CDH20: variants seen among roughly 807,000 people sequenced by gnomAD.
The protein encoded by CDH20 is cadherin 20.
A neutral mutation model predicts 74.2 loss-of-function variants in CDH20; 29 were observed. The observed-to-expected ratio is 0.39, with a 90% CI of 0.29 to 0.53. The LOEUF (loss-of-function observed/expected upper bound fraction) is 0.53, where lower values mean the gene tolerates loss of function less well. Among genes scored for constraint, CDH20 ranks in the 20% least tolerant of loss-of-function variants. The pLI, the probability that CDH20 is intolerant of heterozygous loss-of-function variation, is 0.69. For synonymous variants in CDH20, 469 were observed against 405.4 expected (o/e 1.16, Z -1.88); for missense variants, 988 against 1,048.3 (o/e 0.94, Z 0.79).
chr18:61,356,644 G>A (rs1242144421), intron 1 of CDH20, among the ~76,000 whole-genome samples: 1 of 152,206 alleles, frequency 6.6e-6, no homozygotes, highest in Non-Finnish European at 1.5e-5. Flanking sequence ...AATTTGGTCA[G>A]TTTTCTAACT....
At chr18:61,456,978 C>T (rs1217773058) in intron 1 of CDH20, among the ~76,000 whole-genome samples, 2 of 152,128 alleles carry the variant, frequency 1.3e-5, no homozygotes, top group Non-Finnish European at 2.9e-5. Flanking sequence ...TCCCAAAGGC[C>T]CCACCTTCTA....
rs1911273180 is a variant in CDH20, at chr18:61,499,223, A to G, written c.284A>G (p.Lys95Arg). 1 of 1,607,130 alleles carries G rather than the reference A, an allele frequency of 6.2e-7. No homozygotes were observed. The highest frequency in any genetic ancestry group is 2.2e-5 in the East Asian group (1 of 44,738). The change falls in exon 3 of 12, where the codon AAA becomes AGA. Residue 95 changes from lysine to arginine, a missense_variant. By Grantham distance (26) the Lys-to-Arg change is conservative. Around this residue, in one of 2 missense-constraint regions of CDH20, gnomAD observed 613 missense variants for 755.2 expected, o/e 0.81. Coordinates refer to ENST00000262717, the MANE Select transcript of CDH20 (RefSeq NM_031891.4). The stretch of plus-strand genomic sequence containing the variant: ...ATGGACAGGGGAGACGGATCCATCA[A>G]ATACATCCTCTCGGGAGAAGGTGCT... ...SDMDRGDGSI[K>R]YILSGEGAGI...
intron 1 of CDH20, among the ~76,000 whole-genome samples, chr18:61,457,916 T>TA (rs1216655409): frequency 1.3e-5 from 2 of 152,222 alleles, no homozygotes; most frequent in Non-Finnish European, 2.9e-5. Flanking sequence ...TTTTAAAATG[T>TA]AGATTATCAG....
chr18:61,389,056 C>A (rs1350384881), intron 1 of CDH20, among the ~76,000 whole-genome samples: 1 of 152,144 alleles, frequency 6.6e-6, no homozygotes, highest in African/African-American at 2.4e-5. Context: ...GGTCCCCTCA[C>A]AGCAAAATGA....
At chr18:61,513,859 C>T (rs1051325177) in intron 6 of CDH20, among the ~76,000 whole-genome samples, 93 of 152,100 alleles carry the variant, frequency 6.1e-4, no homozygotes, top group Non-Finnish European at 1.1e-3. Flanking sequence ...GGGTTTCTGC[C>T]GAGAGATCCG....
intron 1 of CDH20, among the ~76,000 whole-genome samples, chr18:61,466,629 G>A (rs1474340048): frequency 6.6e-6 from 1 of 152,176 alleles, no homozygotes; most frequent in Non-Finnish European, 1.5e-5. Flanking sequence ...CACAACTTGA[G>A]GCCAGCTTCC....
intron 1 of CDH20, among the ~76,000 whole-genome samples, chr18:61,374,626 A>G (rs540345655): frequency 6.6e-6 from 1 of 152,256 alleles, no homozygotes; most frequent in East Asian, 1.9e-4. Flanking sequence ...AACTTATATG[A>G]AATTTTTATG....
At chr18:61,453,444 A>T (rs537323439) in intron 1 of CDH20, among the ~76,000 whole-genome samples, 2 of 152,086 alleles carry the variant, frequency 1.3e-5, no homozygotes, top group Middle Eastern at 6.8e-3. Flanking sequence ...TGCCCAGCTA[A>T]TCTTTTGTGT....
rs116683369 is a variant in CDH20, at chr18:61,543,066, G to C, written c.1531-1961G>C. On this transcript the variant is annotated intron_variant, in intron 9 of 11. Coordinates refer to ENST00000262717, the MANE Select transcript of CDH20 (RefSeq NM_031891.4). ...AGTGGGTAGGTGGCTCTCTGCAATT[G>C]GCAATCCCTAAAGGGACTGGTAGGT... Among the ~76,000 whole-genome samples the C allele has an allele frequency of 5.9e-3, 895 of 152,236 alleles. 14 individuals carry two copies. Among genetic ancestry groups the C allele is most frequent in the African/African-American group, 0.02 (850 of 41,526 alleles).
At chr18:61,450,867 C>T (rs545346868) in intron 1 of CDH20, among the ~76,000 whole-genome samples, 1 of 152,104 alleles carries the variant, frequency 6.6e-6, no homozygotes, top group South Asian at 2.1e-4. Context: ...TTTACTTAGC[C>T]AATCCTGTGT....
chr18:61,350,609 G>A (rs920953846), intron 1 of CDH20, among the ~76,000 whole-genome samples: 5 of 152,124 alleles, frequency 3.3e-5, no homozygotes, highest in Admixed American at 3.3e-4. Flanking sequence ...CGCTAAATAG[G>A]GTAATATATG....
intron 1 of CDH20, among the ~76,000 whole-genome samples, chr18:61,363,559 A>G (rs1440058004): frequency 6.6e-6 from 1 of 152,204 alleles, no homozygotes; most frequent in Non-Finnish European, 1.5e-5. Context: ...ACAAATAAAA[A>G]GGTGTGTTTT....
chr18:61,526,580 T>G (rs764883141), intron 6 of CDH20, among the ~76,000 whole-genome samples: 1 of 152,232 alleles, frequency 6.6e-6, no homozygotes, highest in Non-Finnish European at 1.5e-5. Context: ...CGAGATGTTC[T>G]GAAATACTTG....
At chr18:61,554,088 G>A (rs2144418744) in intron 11 of CDH20, 102 bp from the exon 12 acceptor site, 2 of 1,406,106 alleles carry the variant, frequency 1.4e-6, no homozygotes, top group Middle Eastern at 2.1e-4. Flanking sequence ...CCCTCCACTC[G>A]GTAGCCCTTC....
chr18:61,370,572 C>A (rs1911000766), intron 1 of CDH20, among the ~76,000 whole-genome samples: 1 of 152,052 alleles, frequency 6.6e-6, no homozygotes, highest in Non-Finnish European at 1.5e-5. Flanking sequence ...ATAATCACCA[C>A]AAACTGATTA....
chr18:61,541,093 C>A (rs1264935543), intron 9 of CDH20, among the ~76,000 whole-genome samples: 2 of 152,026 alleles, frequency 1.3e-5, no homozygotes, highest in African/African-American at 4.8e-5. Flanking sequence ...AAGAAACGAT[C>A]CATGTTATTA....
At chr18:61,509,963 G>A (rs932606206) in intron 6 of CDH20, among the ~76,000 whole-genome samples, 1 of 152,200 alleles carries the variant, frequency 6.6e-6, no homozygotes, top group Non-Finnish European at 1.5e-5. Flanking sequence ...AGACAGGGAA[G>A]TCTGCAAGTA....
intron 1 of CDH20, among the ~76,000 whole-genome samples, chr18:61,409,048 A>C (rs2144243272): frequency 6.6e-6 from 1 of 152,338 alleles, no homozygotes; most frequent in Non-Finnish European, 1.5e-5. Context: ...TAAAAGAATA[A>C]ATAATTACAA....
At chr18:61,507,351 G>GT in intron 5 of CDH20, 22 bp from the exon 6 acceptor site, 1 of 1,602,948 alleles carries the variant, frequency 6.2e-7, no homozygotes, top group East Asian at 2.3e-5. Flanking sequence ...TCAAGAATGC[G>GT]TGTCCTGGCT....
Sources: gnomAD v4.1 joint callset for allele counts (sites outside exome capture counted in the v4.1 genomes callset) on GRCh38, gnomAD v4.1.1 for gene constraint, gnomAD v4.1.1 regional missense constraint, MANE v1.5 for transcripts, NCBI Gene and HGNC (gene_info 2026-07-23, HGNC 2026-07-21) for gene names.